The following UGT1A3 variants were observed in gnomAD, a reference collection of about 807,000 sequenced individuals.
The protein encoded by UGT1A3 is UDP-glucuronosyltransferase 1A3.
A neutral mutation model predicts 41.0 loss-of-function variants in UGT1A3; 31 were observed. The ratio of observed to expected loss-of-function variants is 0.76; its 90% confidence interval spans 0.57 to 1.02. The LOEUF (loss-of-function observed/expected upper bound fraction) is 1.02. UGT1A3 is among the 50% of genes least tolerant of loss of function. The pLI is 0.00. For missense variants in UGT1A3, 737 were observed against 671.0 expected (o/e 1.10, Z -1.09); for synonymous variants, 262 against 257.6 (o/e 1.02, Z -0.17).
chr2:233,764,019 G>A (rs970114557), intron 1 of UGT1A3, among the ~76,000 whole-genome samples: 1 of 152,200 alleles, frequency 6.6e-6, no homozygotes, highest in Non-Finnish European at 1.5e-5. Context: ...CCCACATGGT[G>A]TCTAAGTGCT....
Position 233,729,252 on chromosome 2 carries a change from CA to C in UGT1A3, c.127del (p.Ser43AlafsTer23), listed in dbSNP as rs761976281. ...TGCCCATTGATGGCAGCCACTGGCT[CA>C]GCATGCGGGAGGTCTTGCGGGAGCT... ...VVPIDGSHWL[S>X]MREVLRELHA... On this transcript the variant is annotated frameshift_variant, in exon 1 of 5. Coordinates refer to ENST00000482026, the MANE Select transcript of UGT1A3 (RefSeq NM_019093.4). LOFTEE classifies it high-confidence loss of function. The C allele has an allele frequency of 1.2e-4, 199 of 1,614,124 alleles. No individual in the cohort carries two copies. Among genetic ancestry groups the C allele is most frequent in the Non-Finnish European group, 1.6e-4 (186 of 1,180,044 alleles).
chr2:233,757,752 A>C (rs979747575), intron 1 of UGT1A3, among the ~76,000 whole-genome samples: 1 of 151,642 alleles, frequency 6.6e-6, no homozygotes, highest in Non-Finnish European at 1.5e-5. Flanking sequence ...GGACATGTTT[A>C]TGTTGCTCCT....
At chr2:233,735,490 G>T (rs1335131931) in intron 1 of UGT1A3, among the ~76,000 whole-genome samples, 1 of 152,096 alleles carries the variant, frequency 6.6e-6, no homozygotes, top group Non-Finnish European at 1.5e-5. Context: ...TTTTTTAATT[G>T]CAGCATTTAG....
At chr2:233,755,468 T>G (rs1434722423) in intron 1 of UGT1A3, 4 of 241,190 alleles carry the variant, frequency 1.7e-5, no homozygotes, top group Non-Finnish European at 3.3e-5. Context: ...CTGCTCTCTG[T>G]GAGGCTCTGT....
intron 1 of UGT1A3, among the ~76,000 whole-genome samples, chr2:233,746,783 T>C (rs1194823127): frequency 6.6e-6 from 1 of 151,828 alleles, no homozygotes; most frequent in East Asian, 1.9e-4. Flanking sequence ...TGGTTTTCTG[T>C]TGTAATTCAT....
intron 4 of UGT1A3, among the ~76,000 whole-genome samples, chr2:233,768,830 T>G (rs1378078075): frequency 6.6e-6 from 1 of 152,106 alleles, no homozygotes; most frequent in Non-Finnish European, 1.5e-5. Flanking sequence ...GTGATCCACC[T>G]GCCTCGGCCT....
At chr2:233,738,731 C>T (rs1205988900) in intron 1 of UGT1A3, among the ~76,000 whole-genome samples, 1 of 152,174 alleles carries the variant, frequency 6.6e-6, no homozygotes. Context: ...GGAAAATTTG[C>T]AGCCTGACCA....
chr2:233,737,540 C>T (rs191771735), intron 1 of UGT1A3, among the ~76,000 whole-genome samples: 164 of 152,332 alleles, frequency 1.1e-3, no homozygotes, highest in East Asian at 4.4e-3. Flanking sequence ...TGCCCTGCTT[C>T]GGCTTGCCCT....
chr2:233,747,312 G>T, intron 1 of UGT1A3: 1 of 1,603,228 alleles, frequency 6.2e-7, no homozygotes, highest in Non-Finnish European at 8.5e-7. Context: ...AGGTGCTGGT[G>T]GTACCCATTG....
At chr2:233,760,305 G>A (rs745957787) in intron 1 of UGT1A3, 6 of 1,613,702 alleles carry the variant, frequency 3.7e-6, no homozygotes, top group Non-Finnish European at 5.1e-6. Flanking sequence ...TGGAGTCCCA[G>A]GGCGGACGCC....
At chr2:233,742,442 C>T (rs112027081) in intron 1 of UGT1A3, among the ~76,000 whole-genome samples, 3,340 of 152,032 alleles carry the variant, frequency 0.022, 220 homozygotes, top group African/African-American at 0.075. Flanking sequence ...CCTGGGTGGG[C>T]CAGGTGTTCC....
At chr2:233,760,586 T>G in intron 1 of UGT1A3, 1 of 1,614,234 alleles carries the variant, frequency 6.2e-7, no homozygotes, top group Non-Finnish European at 8.5e-7. Flanking sequence ...CATAATGTTT[T>G]TGAGAATGAT....
chr2:233,772,325 C>T lies in UGT1A3; in HGVS notation c.1371C>T (p.Asp457=), dbSNP rs773957041. ...AGGACCGCCCGGTGGAGCCGCTGGA[C>T]CTGGCCGTGTTCTGGGTGGAGTTTG... is the stretch of plus-strand genomic sequence containing the variant. ...LHKDRPVEPL[D]LAVFWVEFVM... The change falls in exon 5 of 5, where the codon GAC becomes GAT. Residue 457 remains aspartate, a synonymous_variant. Coordinates refer to ENST00000482026, the MANE Select transcript of UGT1A3 (RefSeq NM_019093.4). 3.1e-6 allele frequency: 5 copies of T among 1,614,018 alleles called. No homozygotes were observed. In the African/African-American group the frequency reaches 4.0e-5, roughly 13 times the overall value.
At chr2:233,765,738 C>T (rs1341217365) in intron 1 of UGT1A3, among the ~76,000 whole-genome samples, 1 of 147,306 alleles carries the variant, frequency 6.8e-6, no homozygotes, top group Non-Finnish European at 1.5e-5. Flanking sequence ...AATAAATAAA[C>T]CCATAAAGCC....
chr2:233,742,512 C>A (rs924249262), intron 1 of UGT1A3, among the ~76,000 whole-genome samples: 2 of 151,876 alleles, frequency 1.3e-5, no homozygotes, highest in African/African-American at 4.9e-5. Context: ...ATCATGAACA[C>A]GTCACAGTGC....
At chr2:233,770,880 T>C (rs1452182002) in intron 4 of UGT1A3, 6 of 152,248 alleles carry the variant, frequency 3.9e-5, no homozygotes, top group African/African-American at 1.2e-4. Context: ...AGAGGTTTCA[T>C]TGGCTCGTGT....
intron 1 of UGT1A3, chr2:233,760,526 C>T (rs2125985458): frequency 3.7e-6 from 6 of 1,614,242 alleles, no homozygotes; most frequent in Non-Finnish European, 5.1e-6. Context: ...AAGACGTACC[C>T]TGTGCCATTC....
intron 1 of UGT1A3, among the ~76,000 whole-genome samples, chr2:233,750,023 T>C (rs1409167915): frequency 6.6e-6 from 1 of 152,000 alleles, no homozygotes; most frequent in African/African-American, 2.4e-5. Context: ...AGTGGAGTAC[T>C]GCTATAAAGA....
intron 1 of UGT1A3, among the ~76,000 whole-genome samples, chr2:233,764,866 A>AAAAGGGAGG (rs45477695): frequency 0.13 from 19,804 of 152,100 alleles, 1,413 homozygotes; most frequent in East Asian, 0.2. Context: ...CTTTTAGATG[A>AAAAGGGAGG]GCCCAAGGGA....
Sources: gnomAD v4.1 joint callset for allele counts (sites outside exome capture counted in the v4.1 genomes callset) on GRCh38, gnomAD v4.1.1 for gene constraint, MANE v1.5 for transcripts, NCBI Gene and HGNC (gene_info 2026-07-23, HGNC 2026-07-21) for gene names.